MAPK8IP3: variants seen among roughly 807,000 people sequenced by gnomAD.
The protein encoded by MAPK8IP3 is C-Jun-amino-terminal kinase-interacting protein 3.
In MAPK8IP3, 49 loss-of-function variants were observed where a neutral mutation model predicts 157.8. The observed-to-expected ratio is 0.31, with a 90% CI of 0.25 to 0.39. The LOEUF is 0.39. Among genes scored for constraint, MAPK8IP3 ranks in the 10% least tolerant of loss-of-function variants. The pLI is 1.00. For missense variants in MAPK8IP3, 1,478 were observed against 1,889.4 expected (o/e 0.78, Z 4.04); for synonymous variants, 897 against 777.7 (o/e 1.15, Z -2.55).
At position 1,724,739 on chromosome 16, in the gene MAPK8IP3, T is replaced by C. The variant is rs1441677572; in HGVS notation, c.439+62T>C. ...GGGCGCTGCTCTGGGACGGCTCTGG[T>C]TGGGGTGGGCATGGAGCGCCTTCCA... On this transcript the variant is annotated intron_variant, in intron 2 of 31. Transcript: ENST00000610761. This position sits in a 1 kb window ranked among gnomAD's most constrained non-coding sequence, Gnocchi z 4.1. The C allele has an allele frequency of 8.2e-6, 13 of 1,579,172 alleles. No individual in the cohort carries two copies. The highest frequency in any genetic ancestry group is 5.4e-5 in the African/African-American group (4 of 74,184).
intron 1 of MAPK8IP3, chr16:1,713,541 C>T (rs945959135): frequency 2.6e-5 from 4 of 152,218 alleles, no homozygotes; most frequent in Non-Finnish European, 5.9e-5. Context: ...GGTTTGTTTC[C>T]TGTTTAATGA....
intron 8 of MAPK8IP3, among the ~76,000 whole-genome samples, chr16:1,754,771 A>AG (rs2041500011): frequency 1.4e-5 from 2 of 145,380 alleles, no homozygotes; most frequent in African/African-American, 2.8e-5. Context: ...AAAAAAAAAA[A>AG]AAGAAGAAGA....
chr16:1,744,132 G>GCA (rs2040835450), intron 5 of MAPK8IP3: 1 of 985,562 alleles, frequency 1.0e-6, no homozygotes, highest in African/African-American at 1.7e-5. Context: ...CACTCCTTCA[G>GCA]GGCCCCAGGT....
At chr16:1,766,179 C>G in intron 21 of MAPK8IP3, 37 bp downstream of exon 21, 1 of 1,602,048 alleles carries the variant, frequency 6.2e-7, no homozygotes, top group Non-Finnish European at 8.5e-7. Context: ...CCCCTCATTC[C>G]CACGTTTCTG....
At position 1,762,338 on chromosome 16, in the gene MAPK8IP3, C is replaced by T. The variant is rs947706983; in HGVS notation, c.1540-13C>T. 6.4e-7 allele frequency: 1 copy of T among 1,562,770 alleles called. No individual in the cohort carries two copies. The highest frequency in any genetic ancestry group is 2.4e-5 in the East Asian group (1 of 41,850). On this transcript the variant is annotated splice_polypyrimidine_tract_variant and intron_variant, in intron 13 of 31. Transcript: ENST00000610761. ...CGAGGGCTGGCTGAGCCTCTGTGCCCCTCCCTCCGCAGGACAAAATCCCCA... is the reference window on the plus strand; with the variant it reads ...CGAGGGCTGGCTGAGCCTCTGTGCCTCTCCCTCCGCAGGACAAAATCCCCA...
intron 5 of MAPK8IP3, chr16:1,744,083 G>A (rs747354891): frequency 3.3e-5 from 33 of 988,052 alleles, no homozygotes; most frequent in Middle Eastern, 5.1e-4. Context: ...ACAGCCAGCC[G>A]GTGAGTGCAC....
rs2039133792 is a variant in MAPK8IP3 at position 1,729,407 on chromosome 16, G to A, written c.511-80G>A. 29 of 1,413,646 alleles carry A rather than the reference G, an allele frequency of 2.1e-5. 1 individual carries two copies. In the Middle Eastern group the frequency reaches 7.0e-4, roughly 34 times the overall value. The allele number at this position is 1,413,646 out of a possible 1,614,324, so 87.6% of individuals were successfully genotyped here. A position where few individuals can be genotyped will look rare whatever the true frequency, so the allele number is the denominator to read the frequency against. On this transcript the variant is annotated intron_variant, in intron 3 of 31. Transcript: ENST00000610761. ...TCTTGATTTCTGCCTGCACAGGGCA[G>A]CCGGAAAAGCCTCACAGGTTAGAGG...
At chr16:1,722,762 T>C (rs1298709328) in intron 1 of MAPK8IP3, among the ~76,000 whole-genome samples, 2 of 151,986 alleles carry the variant, frequency 1.3e-5, no homozygotes, top group East Asian at 1.9e-4. Flanking sequence ...TGGAGTGCGG[T>C]GGCGCTATCT....
intron 2 of MAPK8IP3, among the ~76,000 whole-genome samples, chr16:1,725,605 C>T (rs1249397884): frequency 3.3e-5 from 5 of 150,686 alleles, no homozygotes; most frequent in African/African-American, 9.8e-5. Context: ...CTAGCCTGGG[C>T]GACAGAGTGA....
chr16:1,747,942 G>A (rs1449521600), intron 6 of MAPK8IP3, among the ~76,000 whole-genome samples: 3 of 152,242 alleles, frequency 2.0e-5, no homozygotes, highest in African/African-American at 4.8e-5. Context: ...AATGAGGGCC[G>A]AGAGGAGGTC....
At chr16:1,727,855 G>C (rs932018710) in intron 2 of MAPK8IP3, among the ~76,000 whole-genome samples, 8 of 152,214 alleles carry the variant, frequency 5.3e-5, no homozygotes, top group African/African-American at 1.7e-4. Context: ...TCACAGAGCA[G>C]GATGGCCAAA....
rs376842981 is a variant in MAPK8IP3 at position 1,768,388 on chromosome 16, G to T, written c.3742+10G>T. The stretch of plus-strand genomic sequence containing the variant: ...TTTGTCTCGGTGCCAGGTGAGGCTG[G>T]GCCCCTCCTGCCATCCACATCCCCT... On this transcript the variant is annotated intron_variant, in intron 30 of 31. Transcript: ENST00000610761. The T allele has an allele frequency of 7.5e-6, 12 of 1,598,312 alleles. No individual in the cohort carries two copies. The African/African-American group carries it at 1.6e-4, about 21-fold the overall frequency.
intron 1 of MAPK8IP3, among the ~76,000 whole-genome samples, chr16:1,711,889 G>A (rs902300995): frequency 4.9e-4 from 73 of 148,622 alleles, no homozygotes; most frequent in Non-Finnish European, 7.9e-4. Context: ...GCAGTGAGCC[G>A]AGATTGCAAC....
chr16:1,708,161 A>G (rs2037521613), intron 1 of MAPK8IP3, among the ~76,000 whole-genome samples: 1 of 152,214 alleles, frequency 6.6e-6, no homozygotes, highest in African/African-American at 2.4e-5. Context: ...ACTGGGAAGG[A>G]AACTTGTCCT....
At chr16:1,738,782 A>G (rs1438743649) in intron 4 of MAPK8IP3, among the ~76,000 whole-genome samples, 1 of 101,552 alleles carries the variant, frequency 9.8e-6, no homozygotes, top group Admixed American at 1.2e-4. Flanking sequence ...TGAGCGTGTG[A>G]GCGTCCGTGT....
intron 1 of MAPK8IP3, among the ~76,000 whole-genome samples, chr16:1,723,002 A>G (rs2038632423): frequency 6.7e-6 from 1 of 149,504 alleles, no homozygotes; most frequent in African/African-American, 2.5e-5. Context: ...TGCCTGGCCA[A>G]TTTTTTTTGT....
chr16:1,747,376 C>T, intron 6 of MAPK8IP3, 101 bp downstream of exon 6: 2 of 1,484,266 alleles, frequency 1.3e-6, no homozygotes, highest in Non-Finnish European at 9.1e-7. Flanking sequence ...GTGCAGGCAG[C>T]AGAGACGTGT....
At chr16:1,757,245 C>T (rs1037849932) in intron 8 of MAPK8IP3, among the ~76,000 whole-genome samples, 2 of 152,102 alleles carry the variant, frequency 1.3e-5, no homozygotes, top group Non-Finnish European at 2.9e-5. Context: ...GCTGGGACTA[C>T]AGGTGCCCGC....
Position 1,743,476 on chromosome 16 carries a change from G to A in MAPK8IP3, c.747G>A (p.Gln249=). ...AGCTGCAGTCCAGCTCCAGCTACCA[G>A]GTTTTGTAGCCGTGCCGTGGAGTGA... ...LGQLQSSSSY[Q]CPQDEMSESG... Residue 249 remains glutamine, a splice_region_variant and synonymous_variant, in exon 5 of 32, where the codon CAG becomes CAA. Coordinates refer to ENST00000610761, the MANE Select transcript of MAPK8IP3 (RefSeq NM_001318852.2). The surrounding 1 kb of genome is among the most constrained non-coding windows in gnomAD (Gnocchi z 5.6). 1.2e-6 allele frequency: 2 copies of A among 1,609,270 alleles called. No homozygotes were observed. The highest frequency in any genetic ancestry group is 8.5e-7 in the Non-Finnish European group (1 of 1,178,876).
Sources: allele counts gnomAD v4.1 joint callset (sites outside exome capture counted in the v4.1 genomes callset), GRCh38; gene constraint gnomAD v4.1.1; non-coding constraint Gnocchi (gnomAD v3.1); transcripts MANE v1.5; gene names NCBI Gene and HGNC (gene_info 2026-07-23, HGNC 2026-07-21).